MED13L: variants seen among roughly 807,000 people sequenced by gnomAD.
MED13L encodes the protein mediator of RNA polymerase II transcription subunit 13-like.
A neutral mutation model predicts 220.9 loss-of-function variants in MED13L; 7 were observed. The ratio of observed to expected loss-of-function variants is 0.03; its 90% CI spans 0.02 to 0.06. The LOEUF (loss-of-function observed/expected upper bound fraction) is 0.06, where lower values mean the gene tolerates loss of function less well. Among genes scored for constraint, MED13L ranks in the 10% least tolerant of loss-of-function variants. MED13L has a pLI of 1.00. For missense variants in MED13L, 1,965 were observed against 2,760.5 expected (o/e 0.71, Z 6.46); for synonymous variants, 1,011 against 1,015.2 (o/e 1.00, Z 0.08).
intron 2 of MED13L, among the ~76,000 whole-genome samples, chr12:116,164,605 G>A (rs1475347536): frequency 6.6e-6 from 1 of 152,148 alleles, no homozygotes; most frequent in Non-Finnish European, 1.5e-5. Flanking sequence ...AGTTGCCAAG[G>A]AAGAGGACAC....
At chr12:116,196,413 C>T (rs944190095) in intron 2 of MED13L, among the ~76,000 whole-genome samples, 1 of 151,662 alleles carries the variant, frequency 6.6e-6, no homozygotes, top group East Asian at 1.9e-4. Context: ...GCCCAGTCTT[C>T]GGCTTCGGCT....
At chr12:116,095,893 C>T (rs1032625548) in intron 4 of MED13L, among the ~76,000 whole-genome samples, 30 of 152,106 alleles carry the variant, frequency 2.0e-4, no homozygotes, top group African/African-American at 7.2e-4. Flanking sequence ...TAAACACACA[C>T]ATATGATGGC....
At chr12:116,184,693 C>A (rs1880760661) in intron 2 of MED13L, among the ~76,000 whole-genome samples, 1 of 152,114 alleles carries the variant, frequency 6.6e-6, no homozygotes, top group South Asian at 2.1e-4. Context: ...ATTCACCCCA[C>A]TAAAATAAAT....
intron 4 of MED13L, among the ~76,000 whole-genome samples, chr12:116,031,207 A>G (rs1343369778): frequency 6.6e-6 from 1 of 152,186 alleles, no homozygotes; most frequent in African/African-American, 2.4e-5. Flanking sequence ...CAAAACAAAG[A>G]TAACTGCTTT....
chr12:116,246,132 A>C (rs1422204738), intron 1 of MED13L, among the ~76,000 whole-genome samples: 1 of 152,174 alleles, frequency 6.6e-6, no homozygotes, highest in Non-Finnish European at 1.5e-5. Flanking sequence ...ATTATTTCCA[A>C]ACTAAATATT....
At chr12:116,056,098 T>C (rs980801011) in intron 4 of MED13L, among the ~76,000 whole-genome samples, 3 of 152,086 alleles carry the variant, frequency 2.0e-5, no homozygotes, top group African/African-American at 7.2e-5. Flanking sequence ...AAAGGTAAGT[T>C]TGTTAGGGTA....
At chr12:116,160,279 A>G (rs900274496) in intron 2 of MED13L, among the ~76,000 whole-genome samples, 4 of 152,218 alleles carry the variant, frequency 2.6e-5, no homozygotes, top group Non-Finnish European at 2.9e-5. Flanking sequence ...TTCTTGAGCA[A>G]TAAGGTCTTT....
intron 2 of MED13L, among the ~76,000 whole-genome samples, chr12:116,146,014 G>C (rs1877474884): frequency 6.6e-6 from 1 of 152,182 alleles, no homozygotes; most frequent in African/African-American, 2.4e-5. Context: ...AATCAAGCTT[G>C]TTGAACCCAC....
In MED13L at chr12:116,008,613, G is replaced by A; in HGVS notation, c.1800C>T (p.Val600=). The A allele has an allele frequency of 6.2e-7, 1 of 1,614,082 alleles. No individual in the cohort carries two copies. Among genetic ancestry groups the A allele is most frequent in the African/African-American group, 1.3e-5 (1 of 75,040 alleles). The change falls in exon 10 of 31, where the codon GTC becomes GTT. Residue 600 remains valine, a synonymous_variant. Transcript: ENST00000281928. ...QQLSTLDDRT[V]LVGQRLPLMA... is the part of the protein sequence containing the mutation. ...TGAGAGGCAGTCTTTGGCCTACGAGGACAGTTCTGTCATCCAGAGTAGACA... is the reference window on the plus strand; with the variant it reads ...TGAGAGGCAGTCTTTGGCCTACGAGAACAGTTCTGTCATCCAGAGTAGACA...
intron 2 of MED13L, among the ~76,000 whole-genome samples, chr12:116,230,912 T>C (rs960382599): frequency 6.6e-6 from 1 of 152,236 alleles, no homozygotes; most frequent in Non-Finnish European, 1.5e-5. Context: ...CATACATTAT[T>C]GTCTATGATT....
intron 1 of MED13L, among the ~76,000 whole-genome samples, chr12:116,254,108 G>GCTA (rs1298387016): frequency 4.0e-5 from 6 of 151,762 alleles, no homozygotes; most frequent in Non-Finnish European, 7.4e-5. Flanking sequence ...AACCTTACGG[G>GCTA]GATATCAGAA....
At chr12:115,965,480 A>G (rs1186976870) in intron 29 of MED13L, among the ~76,000 whole-genome samples, 1 of 152,242 alleles carries the variant, frequency 6.6e-6, no homozygotes, top group East Asian at 1.9e-4. Flanking sequence ...TGGCCAACAC[A>G]GTATGCTGCC....
chr12:116,220,226 T>C (rs1228584837), intron 2 of MED13L, among the ~76,000 whole-genome samples: 3 of 152,180 alleles, frequency 2.0e-5, no homozygotes, highest in Non-Finnish European at 2.9e-5. Flanking sequence ...CAAATAATCA[T>C]GGGATCAATT....
chr12:115,962,623 T>A (rs1181791139), intron 30 of MED13L: 1 of 152,278 alleles, frequency 6.6e-6, no homozygotes. Context: ...TTAGAAAACA[T>A]TAGAAAAGGC....
intron 3 of MED13L, among the ~76,000 whole-genome samples, chr12:116,101,164 C>G (rs529125183): frequency 1.3e-5 from 2 of 152,276 alleles, no homozygotes; most frequent in South Asian, 4.1e-4. Flanking sequence ...CCCGATCAAG[C>G]CTGCACACTA....
At position 116,012,821 on chromosome 12, in the gene MED13L, T is replaced by C. The variant is rs777255703; in HGVS notation, c.1256A>G (p.Gln419Arg). The C allele has an allele frequency of 8.1e-6, 13 of 1,613,632 alleles. No homozygotes were observed. The highest frequency in any genetic ancestry group is 1.0e-5 in the Non-Finnish European group (12 of 1,179,658). The stretch of plus-strand genomic sequence containing the variant: ...CCTGGAACAAGAACAGCTGACTCTT[T>C]GGGTTGGATCCACAAAATCCCAAGT... The part of the protein sequence containing the change: ...PATWDFVDPT[Q>R]RVSCSCSRHK... The change falls in exon 9 of 31, where the codon CAA becomes CGA. Residue 419 changes from glutamine to arginine, a missense_variant. By Grantham distance (43) the Gln-to-Arg change is conservative. Around this residue, in one of 10 missense-constraint regions of MED13L, gnomAD observed 818 missense variants for 1,041.2 expected, o/e 0.79. Transcript: ENST00000281928.
chr12:116,086,947 A>G (rs1871747228), intron 4 of MED13L, among the ~76,000 whole-genome samples: 1 of 152,190 alleles, frequency 6.6e-6, no homozygotes, highest in Admixed American at 6.5e-5. Context: ...TGATGTCATT[A>G]TTTTAGGGGT....
At chr12:116,140,196 C>A (rs974619013) in intron 2 of MED13L, among the ~76,000 whole-genome samples, 1 of 152,058 alleles carries the variant, frequency 6.6e-6, no homozygotes, top group Admixed American at 6.6e-5. Flanking sequence ...TTATTTTCTT[C>A]CAGAGCATTT....
chr12:115,963,551 G>T, intron 29 of MED13L, 32 bp from the exon 30 acceptor site: 1 of 1,477,722 alleles, frequency 6.8e-7, no homozygotes, highest in Non-Finnish European at 9.4e-7. Flanking sequence ...TTACCTCTCT[G>T]GTCTAGACAA....
Sources: gnomAD v4.1 joint callset for allele counts (sites outside exome capture counted in the v4.1 genomes callset) on GRCh38, gnomAD v4.1.1 for gene constraint, gnomAD v4.1.1 regional missense constraint, MANE v1.5 for transcripts, NCBI Gene and HGNC (gene_info 2026-07-23, HGNC 2026-07-21) for gene names.